The following MAPRE2 variants were observed in gnomAD, a reference collection of about 807,000 sequenced individuals.
MAPRE2 encodes microtubule-associated protein RP/EB family member 2.
In MAPRE2, 13 loss-of-function variants were observed where a neutral mutation model predicts 43.2. That is an observed-to-expected ratio of 0.30 (90% confidence interval 0.20 to 0.48). MAPRE2 has a LOEUF of 0.48. MAPRE2 is among the 20% of genes least tolerant of loss of function. The pLI is 0.99. For missense variants in MAPRE2, 161 were observed against 400.2 expected (o/e 0.40, Z 5.10); for synonymous variants, 135 against 148.8 (o/e 0.91, Z 0.68).
chr18:35,061,464 C>T (rs985815384), intron 1 of MAPRE2, among the ~76,000 whole-genome samples: 1 of 152,164 alleles, frequency 6.6e-6, no homozygotes, highest in Non-Finnish European at 1.5e-5. Context: ...CACACCCCTG[C>T]CACATGGAGA....
At chr18:35,007,212 C>T (rs983358506) in intron 2 of MAPRE2, among the ~76,000 whole-genome samples, 8 of 152,222 alleles carry the variant, frequency 5.3e-5, no homozygotes, top group Middle Eastern at 3.4e-3. Context: ...GTCCATATGT[C>T]GGGTCTGTAT....
intron 1 of MAPRE2, among the ~76,000 whole-genome samples, chr18:35,051,694 G>T (rs140309197): frequency 3.2e-4 from 49 of 152,282 alleles, no homozygotes; most frequent in Admixed American, 7.8e-4. Context: ...TGGCTCTGGT[G>T]TGAGACTTTT....
At position 35,133,508 on chromosome 18, in the gene MAPRE2, G is replaced by A. The variant is rs562443925; in HGVS notation, c.909+1318G>A. Among the ~76,000 whole-genome samples the A allele has an allele frequency of 3.9e-4, 60 of 152,284 alleles. No homozygotes were observed. The East Asian group carries it at 0.011, about 28-fold the overall frequency. ...CTCTGTAAGCACTAGATGGACTATGGTTATTCTCTTCACAAGCTTATTTGA... is the reference window on the plus strand; with the variant it reads ...CTCTGTAAGCACTAGATGGACTATGATTATTCTCTTCACAAGCTTATTTGA... On this transcript the variant is annotated intron_variant, in intron 6 of 6. Coordinates refer to ENST00000300249, the MANE Select transcript of MAPRE2 (RefSeq NM_014268.4).
At chr18:34,987,365 A>G (rs976453169) in intron 1 of MAPRE2, among the ~76,000 whole-genome samples, 2 of 152,208 alleles carry the variant, frequency 1.3e-5, no homozygotes, top group Non-Finnish European at 2.9e-5. Flanking sequence ...TTGAGACTCC[A>G]TTCCAGACTT....
intron 4 of MAPRE2, among the ~76,000 whole-genome samples, chr18:35,114,254 A>G (rs1909310299): frequency 6.6e-6 from 1 of 152,196 alleles, no homozygotes; most frequent in South Asian, 2.1e-4. Flanking sequence ...TCACAACCAA[A>G]TTCAAATTAC....
intron 6 of MAPRE2, among the ~76,000 whole-genome samples, chr18:35,138,774 A>G (rs1380700686): frequency 8.5e-5 from 13 of 152,156 alleles, no homozygotes; most frequent in Non-Finnish European, 1.5e-5. Context: ...CAGAGCAGTT[A>G]AGTTCTAGAC....
At position 35,041,485 on chromosome 18, in the gene MAPRE2, A is replaced by G. The variant is rs1385794083; in HGVS notation, c.-55A>G. Reference sequence around the variant, plus strand: ...GGCGAGCGAGCGGGAAGACGCAGCCACCTTCCTCACCAGCCAGCCCACAGC... The same window carrying G: ...GGCGAGCGAGCGGGAAGACGCAGCCGCCTTCCTCACCAGCCAGCCCACAGC... On this transcript the variant is annotated 5_prime_UTR_variant, in exon 1 of 7. Coordinates refer to ENST00000300249, the MANE Select transcript of MAPRE2 (RefSeq NM_014268.4). The G allele has an allele frequency of 1.2e-6, 2 of 1,613,020 alleles. No homozygotes were observed. Among genetic ancestry groups the G allele is most frequent in the Non-Finnish European group, 1.7e-6 (2 of 1,179,570 alleles).
At chr18:35,092,664 A>G (rs1413956077) in intron 2 of MAPRE2, among the ~76,000 whole-genome samples, 1 of 152,226 alleles carries the variant, frequency 6.6e-6, no homozygotes, top group East Asian at 1.9e-4. Context: ...CAGTCAGCAG[A>G]ATGAAAAGAC....
At position 35,005,491 on chromosome 18, in the gene MAPRE2, G is replaced by A. The variant is rs2097031435; in HGVS notation, c.-69-1G>A. The A allele has an allele frequency of 6.5e-7, 1 of 1,529,286 alleles. No homozygotes were observed. The highest frequency in any genetic ancestry group is 8.8e-7 in the Non-Finnish European group (1 of 1,131,480). The allele number at this position is 1,529,286 out of a possible 1,614,324, so 94.7% of individuals were successfully genotyped here. ...TTTTTCTTCCATTTTTACTATCCCAGTGTCCTGTTTCCCAGAGGAACAGTT... is the reference window on the plus strand; with the variant it reads ...TTTTTCTTCCATTTTTACTATCCCAATGTCCTGTTTCCCAGAGGAACAGTT... On this transcript the variant is annotated splice_acceptor_variant, in intron 1 of 7. Transcript: ENST00000413393. LOFTEE classifies it low-confidence loss of function (5UTR_SPLICE).
chr18:35,028,262 T>C lies in MAPRE2; in HGVS notation c.-8+22709T>C, dbSNP rs148653804. 2.6e-5 allele frequency among the ~76,000 whole-genome samples: 4 copies of C among 152,320 alleles called. No homozygotes were observed. The East Asian group carries it at 7.7e-4, about 29-fold the overall frequency. On this transcript the variant is annotated intron_variant, in intron 2 of 7. Coordinates refer to the MAPRE2 transcript ENST00000413393. ...GGGGCAAGGCAGGAACCTAGGTTTA[T>C]ATCTCAAAATGTTACCTTACAAATC...
intron 2 of MAPRE2, among the ~76,000 whole-genome samples, chr18:35,034,838 C>T (rs2097049656): frequency 6.6e-6 from 1 of 152,058 alleles, no homozygotes; most frequent in Non-Finnish European, 1.5e-5. Flanking sequence ...GTTAGAATGG[C>T]AATCATTAAA....
chr18:35,109,641 C>T (rs1347156090), intron 4 of MAPRE2, among the ~76,000 whole-genome samples: 1 of 152,194 alleles, frequency 6.6e-6, no homozygotes, highest in East Asian at 1.9e-4. Context: ...AATCTAGCTA[C>T]TCCAGCTTTT....
intron 1 of MAPRE2, among the ~76,000 whole-genome samples, chr18:35,053,420 A>C (rs1906052915): frequency 6.6e-6 from 1 of 152,076 alleles, no homozygotes; most frequent in Non-Finnish European, 1.5e-5. Flanking sequence ...AAATAAAAAA[A>C]CAGTATTTAA....
chr18:34,990,038 C>A (rs2097022974), intron 1 of MAPRE2, among the ~76,000 whole-genome samples: 1 of 152,122 alleles, frequency 6.6e-6, no homozygotes, highest in South Asian at 2.1e-4. Context: ...TCCACATCCC[C>A]AGATTCTAGC....
intron 1 of MAPRE2, among the ~76,000 whole-genome samples, chr18:35,043,429 C>T (rs1354689369): frequency 6.6e-6 from 1 of 152,158 alleles, no homozygotes; most frequent in East Asian, 1.9e-4. Flanking sequence ...TGTAAACTAA[C>T]TTGAAACGGC....
intron 1 of MAPRE2, among the ~76,000 whole-genome samples, chr18:35,048,426 G>C (rs1037366330): frequency 6.6e-6 from 1 of 151,670 alleles, no homozygotes; most frequent in African/African-American, 2.4e-5. Context: ...ATATGTGTGT[G>C]TGTGTGTATT....
intron 2 of MAPRE2, among the ~76,000 whole-genome samples, chr18:35,090,470 G>A (rs1462280065): frequency 1.3e-5 from 2 of 152,244 alleles, no homozygotes; most frequent in African/African-American, 2.4e-5. Flanking sequence ...GGTGGCTCAC[G>A]CGTGTAATCC....
chr18:35,080,639 A>G (rs1041871503), intron 2 of MAPRE2, among the ~76,000 whole-genome samples: 2 of 152,168 alleles, frequency 1.3e-5, no homozygotes, highest in Non-Finnish European at 2.9e-5. Context: ...TTTCCTAACC[A>G]ATTTTTTTCT....
chr18:35,053,698 A>G (rs1459886114), intron 1 of MAPRE2, among the ~76,000 whole-genome samples: 2 of 152,196 alleles, frequency 1.3e-5, no homozygotes, highest in Admixed American at 6.5e-5. Flanking sequence ...AATTGTAACA[A>G]GGATACCATA....
Sources: gnomAD v4.1 joint callset for allele counts (sites outside exome capture counted in the v4.1 genomes callset) on GRCh38, gnomAD v4.1.1 for gene constraint, MANE v1.5 for transcripts, NCBI Gene and HGNC (gene_info 2026-07-23, HGNC 2026-07-21) for gene names.